Variants in EYA4 observed in about 807,000 individuals in gnomAD.
EYA4 encodes the protein EYA transcriptional coactivator and phosphatase 4.
Under a neutral mutation model 87.9 loss-of-function variants are expected in EYA4, and 31 were observed. The ratio of observed to expected loss-of-function variants is 0.35; its 90% CI spans 0.27 to 0.48. The LOEUF (loss-of-function observed/expected upper bound fraction) is 0.48. Ranked by LOEUF, EYA4 falls within the 20% of genes least tolerant of loss-of-function variation. EYA4 has a pLI of 0.99. For missense variants in EYA4, 678 were observed against 761.4 expected, an observed-to-expected ratio of 0.89 and a Z score of 1.29; for synonymous variants, 263 against 270.6, an observed-to-expected ratio of 0.97 and a Z score of 0.28.
chr6:133,258,133 G>T (rs959244378), intron 1 of EYA4, among the ~76,000 whole-genome samples: 2 of 152,212 alleles, frequency 1.3e-5, no homozygotes, highest in African/African-American at 4.8e-5. Context: ...TAATTCAGGA[G>T]TGAATCTAGT....
chr6:133,489,485 G>A (rs904688601), intron 13 of EYA4, among the ~76,000 whole-genome samples: 1 of 151,846 alleles, frequency 6.6e-6, no homozygotes, highest in African/African-American at 2.4e-5. Context: ...CAAGAATAAA[G>A]AAAGGATCCT....
intron 3 of EYA4, among the ~76,000 whole-genome samples, chr6:133,411,613 A>G (rs1789245008): frequency 1.3e-5 from 2 of 152,140 alleles, no homozygotes; most frequent in South Asian, 4.1e-4. Context: ...CATAAAATGT[A>G]TGACTCAGTC....
intron 3 of EYA4, among the ~76,000 whole-genome samples, chr6:133,411,501 C>A (rs996978498): frequency 6.6e-6 from 1 of 152,050 alleles, no homozygotes; most frequent in African/African-American, 2.4e-5. Flanking sequence ...CCAGAGTTAA[C>A]CACACTTTGG....
chr6:133,508,790 A>G (rs761588145), intron 14 of EYA4, among the ~76,000 whole-genome samples: 37 of 152,194 alleles, frequency 2.4e-4, no homozygotes, highest in Non-Finnish European at 4.4e-4. Flanking sequence ...CATTTATTTT[A>G]GTTCAGGTAC....
intron 2 of EYA4, among the ~76,000 whole-genome samples, chr6:133,299,797 C>A (rs1228323423): frequency 6.6e-6 from 1 of 150,484 alleles, no homozygotes; most frequent in African/African-American, 2.4e-5. Flanking sequence ...ATGTGATTAT[C>A]CTTCACAATA....
rs376239950 is a variant in EYA4 at position 133,456,664 on chromosome 6, C to T, written c.370+16C>T. ...ACTGGGTCAGGTAAAGCCTTTAGCT[C>T]GTGTGTCCTTACGTACACATGGGGG... On this transcript the variant is annotated intron_variant, in intron 6 of 19. Transcript: ENST00000355286. The T allele has an allele frequency of 1.2e-4, 192 of 1,545,596 alleles. No homozygotes were observed. The highest frequency in any genetic ancestry group is 1.6e-4 in the Non-Finnish European group (180 of 1,117,762).
At chr6:133,415,164 G>T (rs1789601705) in intron 3 of EYA4, among the ~76,000 whole-genome samples, 1 of 152,136 alleles carries the variant, frequency 6.6e-6, no homozygotes, top group Non-Finnish European at 1.5e-5. Flanking sequence ...TACCCACACT[G>T]CTGGTTTGGT....
chr6:133,345,978 G>A (rs534992163), intron 2 of EYA4, among the ~76,000 whole-genome samples: 1 of 152,108 alleles, frequency 6.6e-6, no homozygotes, highest in Non-Finnish European at 1.5e-5. Flanking sequence ...GGGCAGACTA[G>A]CAATTAAAGA....
At chr6:133,278,653 A>G (rs145800041) in intron 2 of EYA4, among the ~76,000 whole-genome samples, 5 of 152,342 alleles carry the variant, frequency 3.3e-5, no homozygotes, top group African/African-American at 1.2e-4. Flanking sequence ...AATTGCATAG[A>G]AGGTCTAACA....
At chr6:133,250,598 C>T (rs980580157) in intron 1 of EYA4, among the ~76,000 whole-genome samples, 9 of 152,014 alleles carry the variant, frequency 5.9e-5, no homozygotes, top group Admixed American at 2.6e-4. Flanking sequence ...GCTGAGATTG[C>T]ACCATTGCAC....
chr6:133,438,677 A>C (rs904769981), intron 3 of EYA4, among the ~76,000 whole-genome samples: 1 of 151,474 alleles, frequency 6.6e-6, no homozygotes, highest in African/African-American at 2.4e-5. Flanking sequence ...TGTTTTCTTC[A>C]CTCAGCAATC....
intron 2 of EYA4, among the ~76,000 whole-genome samples, chr6:133,290,836 C>T (rs1362597419): frequency 6.6e-6 from 1 of 152,126 alleles, no homozygotes; most frequent in East Asian, 1.9e-4. Context: ...TCGTTCCAAC[C>T]TTCACACAAA....
chr6:133,293,760 A>AC (rs1364536321), intron 2 of EYA4, among the ~76,000 whole-genome samples: 1 of 151,506 alleles, frequency 6.6e-6, no homozygotes, highest in African/African-American at 2.4e-5. Context: ...ACATGGTGAA[A>AC]CCCCATCTCT....
chr6:133,454,293 G>T (rs1290247305), intron 5 of EYA4, among the ~76,000 whole-genome samples: 1 of 152,192 alleles, frequency 6.6e-6, no homozygotes, highest in African/African-American at 2.4e-5. Context: ...TGAAGGCTTT[G>T]GGCCATGACT....
intron 2 of EYA4, among the ~76,000 whole-genome samples, chr6:133,305,542 G>C (rs1270808145): frequency 2.0e-5 from 3 of 152,160 alleles, no homozygotes; most frequent in Non-Finnish European, 4.4e-5. Flanking sequence ...TTCTATCTAT[G>C]CTCAGCAAAC....
chr6:133,256,186 C>T (rs908053518), intron 1 of EYA4, among the ~76,000 whole-genome samples: 85 of 150,718 alleles, frequency 5.6e-4, no homozygotes, highest in Middle Eastern at 3.5e-3. Flanking sequence ...ATTCTATTAA[C>T]GATATATATT....
chr6:133,257,365 G>A (rs1336987180), intron 1 of EYA4, among the ~76,000 whole-genome samples: 1 of 152,154 alleles, frequency 6.6e-6, no homozygotes, highest in Non-Finnish European at 1.5e-5. Context: ...GGTGAGGCCT[G>A]TGATGATAAC....
rs187044929 is a variant in EYA4, at chr6:133,345,991, A to G, written c.34-36401A>G. Among the ~76,000 whole-genome samples, 342 of 152,296 alleles carry G rather than the reference A, an allele frequency of 2.2e-3. 1 individual carries two copies. Among genetic ancestry groups the G allele is most frequent in the African/African-American group, 7.9e-3 (328 of 41,566 alleles). ...GTGGGCAGACTAGCAATTAAAGATC[A>G]TGAAAGTCTACACTCCAGGAGGCGA... On this transcript the variant is annotated intron_variant, in intron 2 of 19. Coordinates refer to ENST00000355286, the MANE Select transcript of EYA4 (RefSeq NM_004100.5).
intron 2 of EYA4, among the ~76,000 whole-genome samples, chr6:133,366,311 C>T (rs1464895759): frequency 6.6e-6 from 1 of 152,244 alleles, no homozygotes; most frequent in South Asian, 2.1e-4. Context: ...TGGACATGTT[C>T]AAGTTCCATA....
Sources: gnomAD v4.1 joint callset for allele counts (sites outside exome capture counted in the v4.1 genomes callset) on GRCh38, gnomAD v4.1.1 for gene constraint, MANE v1.5 for transcripts, NCBI Gene and HGNC (gene_info 2026-07-23, HGNC 2026-07-21) for gene names.